XKR9: variants seen among roughly 807,000 people sequenced by gnomAD.
XKR9 encodes XK-related protein 9.
In XKR9, 32 loss-of-function variants were observed where a neutral mutation model predicts 32.0. That is an observed-to-expected ratio of 1.00 (90% CI 0.76 to 1.34). The LOEUF (loss-of-function observed/expected upper bound fraction) is 1.34, where lower values mean the gene tolerates loss of function less well. Among genes scored for constraint, XKR9 ranks in the 40% most tolerant of loss-of-function variants. The probability of loss-of-function intolerance (pLI) is 0.00; values close to 1 mark genes in which losing one functional copy is unlikely to be tolerated. For synonymous variants in XKR9, 168 were observed against 143.4 expected (o/e 1.17, Z -1.22); for missense variants, 546 against 429.7 (o/e 1.27, Z -2.39).
downstream of XKR9, among the ~76,000 whole-genome samples, chr8:70,739,776 C>G (rs370515039): frequency 6.6e-6 from 1 of 152,106 alleles, no homozygotes; most frequent in African/African-American, 2.4e-5. Flanking sequence ...TCTTTTCTTT[C>G]AGAATGTTGA....
the XKR9 span, among the ~76,000 whole-genome samples, chr8:70,984,376 G>C: frequency 6.6e-6 from 1 of 152,294 alleles, no homozygotes; most frequent in East Asian, 1.9e-4. Flanking sequence ...GATCATCTCT[G>C]TTCTCTTCCC....
chr8:71,052,614 GCAGA>G, the XKR9 span, among the ~76,000 whole-genome samples: 1 of 152,196 alleles, frequency 6.6e-6, no homozygotes, highest in Non-Finnish European at 1.5e-5. Context: ...AAGCAGGCAT[GCAGA>G]CAGTCTTTAT....
chr8:70,931,497 G>A, the XKR9 span, among the ~76,000 whole-genome samples: 1 of 152,162 alleles, frequency 6.6e-6, no homozygotes, highest in Non-Finnish European at 1.5e-5. Context: ...GGTCCTTAAG[G>A]CCTTTTCAGC....
intron 3 of XKR9, among the ~76,000 whole-genome samples, chr8:70,704,631 C>G (rs1805656375): frequency 6.6e-6 from 1 of 152,266 alleles, no homozygotes; most frequent in South Asian, 2.1e-4. Context: ...TTCTTAACTA[C>G]TTTGCTCTGC....
the XKR9 span, among the ~76,000 whole-genome samples, chr8:70,832,268 C>T: frequency 6.6e-6 from 1 of 152,152 alleles, no homozygotes; most frequent in African/African-American, 2.4e-5. Flanking sequence ...CTTCAAATTT[C>T]AACGAACAAA....
chr8:71,020,708 G>A, the XKR9 span, among the ~76,000 whole-genome samples: 21 of 152,108 alleles, frequency 1.4e-4, no homozygotes, highest in Admixed American at 9.2e-4. Context: ...GTAATGATCC[G>A]GGTGTTTAGT....
the XKR9 span, among the ~76,000 whole-genome samples, chr8:70,970,289 C>T: frequency 4.6e-5 from 7 of 152,110 alleles, no homozygotes; most frequent in Admixed American, 3.3e-4. Flanking sequence ...AATGGTAGAT[C>T]TACTTTCAGT....
chr8:71,031,562 A>G, the XKR9 span, among the ~76,000 whole-genome samples: 1 of 152,338 alleles, frequency 6.6e-6, no homozygotes, highest in East Asian at 1.9e-4. Flanking sequence ...GGCAATGCAT[A>G]ATACTTGACA....
chr8:70,733,950 G>C lies in XKR9; in HGVS notation c.648G>C (p.Trp216Cys), dbSNP rs114541127. 6.2e-7 allele frequency: 1 copy of C among 1,612,600 alleles called. No individual in the cohort carries two copies. The highest frequency in any genetic ancestry group is 1.3e-5 in the African/African-American group (1 of 74,926). Residue 216 changes from tryptophan (W) to cysteine (C), a missense_variant, in exon 5 of 5, where the codon TGG (tryptophan) becomes TGC (cysteine). By Grantham distance (215) the Trp-to-Cys change is radical. Transcript: ENST00000408926. Reference protein sequence around the residue: ...LFYKLFTLLSWMLSVVLLLFL... With the variant: ...LFYKLFTLLSCMLSVVLLLFL... ...ACAAGTTGTTTACATTATTATCGTG[G>C]ATGCTGAGTGTTGTACTTCTACTAT...
the XKR9 span, among the ~76,000 whole-genome samples, chr8:70,842,547 TACACACACACACACAC>T: frequency 1.3e-5 from 2 of 149,026 alleles, no homozygotes; most frequent in East Asian, 3.9e-4. Flanking sequence ...CATCATTATT[TACACACACACACACAC>T]ACACACACAC....
the XKR9 span, among the ~76,000 whole-genome samples, chr8:70,979,909 C>T: frequency 6.6e-6 from 1 of 152,220 alleles, no homozygotes; most frequent in Non-Finnish European, 1.5e-5. Context: ...CTATGGTGGT[C>T]TCCACCCAGT....
the XKR9 span, among the ~76,000 whole-genome samples, chr8:70,928,354 G>A: frequency 3.3e-5 from 5 of 152,194 alleles, no homozygotes; most frequent in East Asian, 3.9e-4. Context: ...TGATTTCCAG[G>A]TTTTTATTAG....
the XKR9 span, among the ~76,000 whole-genome samples, chr8:71,014,034 G>A: frequency 6.6e-6 from 1 of 152,030 alleles, no homozygotes; most frequent in Non-Finnish European, 1.5e-5. Flanking sequence ...CTTCCTGCCA[G>A]TGAAACTTTG....
intron 2 of XKR9, among the ~76,000 whole-genome samples, chr8:70,769,080 C>G (rs1254568942): frequency 6.6e-6 from 1 of 151,766 alleles, no homozygotes; most frequent in Non-Finnish European, 1.5e-5. Flanking sequence ...TTTTTTCTTT[C>G]CATATTTAGT....
chr8:70,704,038 C>T (rs1485943495), intron 3 of XKR9, among the ~76,000 whole-genome samples: 1 of 151,920 alleles, frequency 6.6e-6, no homozygotes, highest in Non-Finnish European at 1.5e-5. Flanking sequence ...AAAAATTAGC[C>T]AGGCATGGTG....
chr8:70,994,859 T>C, the XKR9 span, among the ~76,000 whole-genome samples: 2 of 151,746 alleles, frequency 1.3e-5, no homozygotes, highest in Non-Finnish European at 2.9e-5. Flanking sequence ...AAAAGAACAA[T>C]AAATTTTTAA....
At chr8:70,887,326 T>C in the XKR9 span, among the ~76,000 whole-genome samples, 1 of 152,156 alleles carries the variant, frequency 6.6e-6, no homozygotes, top group East Asian at 1.9e-4. Context: ...GTTACTGTAG[T>C]CTTGTAGTGC....
the XKR9 span, among the ~76,000 whole-genome samples, chr8:70,974,219 C>CT: frequency 6.6e-6 from 1 of 150,864 alleles, no homozygotes. Flanking sequence ...TATAGTGTCC[C>CT]TCTTTTTTTT....
the XKR9 span, among the ~76,000 whole-genome samples, chr8:70,811,518 G>C: frequency 6.6e-6 from 1 of 152,044 alleles, no homozygotes; most frequent in Non-Finnish European, 1.5e-5. Flanking sequence ...TTTTTGAAAA[G>C]ATCAACAAAA....
Sources: allele counts gnomAD v4.1 joint callset (sites outside exome capture counted in the v4.1 genomes callset), GRCh38; gene constraint gnomAD v4.1.1; transcripts MANE v1.5; gene names NCBI Gene and HGNC (gene_info 2026-07-23, HGNC 2026-07-21).